The following ANKRD42 variants were observed in gnomAD, a reference collection of about 807,000 sequenced individuals.
ANKRD42 encodes ankyrin repeat domain 42, also known as ankyrin repeat domain-containing protein 42.
A neutral mutation model predicts 51.5 loss-of-function variants in ANKRD42; 43 were observed. That is an observed-to-expected ratio of 0.83 (90% CI 0.65 to 1.08). The LOEUF (loss-of-function observed/expected upper bound fraction) is 1.08. Ranked by LOEUF, ANKRD42 falls within the 50% of genes least tolerant of loss-of-function variation. ANKRD42 has a pLI of 0.00. For missense variants in ANKRD42, 608 were observed against 629.3 expected (o/e 0.97, Z 0.36); for synonymous variants, 203 against 213.0 (o/e 0.95, Z 0.41).
At chr11:83,202,021 CT>C (rs1461266675) in intron 2 of ANKRD42, among the ~76,000 whole-genome samples, 1 of 152,072 alleles carries the variant, frequency 6.6e-6, no homozygotes, top group East Asian at 1.9e-4. Flanking sequence ...TCAATGTTGG[CT>C]TTTGTTGCAA....
intron 7 of ANKRD42, among the ~76,000 whole-genome samples, chr11:83,233,990 A>AT (rs1203265936): frequency 2.0e-5 from 3 of 152,122 alleles, no homozygotes; most frequent in Non-Finnish European, 1.5e-5. Context: ...GCCTCATTAG[A>AT]TTTTTTATGT....
chr11:83,234,912 C>T (rs181080167), intron 7 of ANKRD42, among the ~76,000 whole-genome samples: 47 of 152,314 alleles, frequency 3.1e-4, no homozygotes, highest in African/African-American at 1.1e-3. Flanking sequence ...GACTTGCCAC[C>T]TGGGCTGTAG....
At chr11:83,245,204 A>G (rs1863507510) in intron 9 of ANKRD42, among the ~76,000 whole-genome samples, 1 of 152,216 alleles carries the variant, frequency 6.6e-6, no homozygotes, top group East Asian at 1.9e-4. Context: ...TGCCTGGTCA[A>G]TACTGCTAGT....
chr11:83,260,047 C>T (rs1332674897), downstream of ANKRD42: 3 of 152,276 alleles, frequency 2.0e-5, no homozygotes, highest in Admixed American at 2.0e-4. Context: ...CACCTTGTTT[C>T]TCCTTCCAGA....
At chr11:83,263,928 A>G (rs1864084051), downstream of ANKRD42, among the ~76,000 whole-genome samples, 1 of 152,202 alleles carries the variant, frequency 6.6e-6, no homozygotes, top group African/African-American at 2.4e-5. Flanking sequence ...CCTCAACATC[A>G]GTAGTGACTG....
At position 83,225,017 on chromosome 11, in the gene ANKRD42, G is replaced by A; in HGVS notation, c.749G>A (p.Gly250Glu). The change falls in exon 6 of 11, where the codon GGG becomes GAG. Residue 250 changes from glycine to glutamate, a missense_variant. Gly to Glu is a moderately conservative substitution (Grantham distance 98). Transcript: ENST00000533342. ...CAGAACATTTTACAGTTTATCCAGG[G>A]GGCTGAGTATGAAGGAAAAGACCTA... ...FKQNILQFIQGAEYEGKDLED... is the reference protein window; with the variant it reads ...FKQNILQFIQEAEYEGKDLED... The A allele has an allele frequency of 1.9e-6, 3 of 1,612,842 alleles. No homozygotes were observed. The highest frequency in any genetic ancestry group is 2.5e-6 in the Non-Finnish European group (3 of 1,179,274).
At chr11:83,214,198 A>G (rs974219997) in intron 5 of ANKRD42, 1 of 162,796 alleles carries the variant, frequency 6.1e-6, no homozygotes, top group African/African-American at 2.4e-5. Flanking sequence ...CAGAGGTTTT[A>G]ATTTTAACGT....
At chr11:83,210,624 G>T (rs796099781) in intron 4 of ANKRD42, among the ~76,000 whole-genome samples, 43 of 152,264 alleles carry the variant, frequency 2.8e-4, no homozygotes, top group African/African-American at 9.6e-4. Context: ...AACCAATTCA[G>T]TATTACAAAG....
At chr11:83,218,455 A>G (rs1050508051) in intron 5 of ANKRD42, among the ~76,000 whole-genome samples, 1 of 152,252 alleles carries the variant, frequency 6.6e-6, no homozygotes, top group Non-Finnish European at 1.5e-5. Context: ...CTGATCAAGG[A>G]GCAACATGAT....
chr11:83,211,456 A>G, intron 5 of ANKRD42, 26 bp downstream of exon 5: 2 of 1,609,364 alleles, frequency 1.2e-6, no homozygotes, highest in Non-Finnish European at 1.7e-6. Flanking sequence ...CAAATATTTT[A>G]GTTTTTCATT....
chr11:83,248,811 A>G lies in ANKRD42; in HGVS notation c.*607A>G. 2 of 978,590 alleles carry G rather than the reference A, an allele frequency of 2.0e-6. No individual in the cohort carries two copies. Among genetic ancestry groups the G allele is most frequent in the Non-Finnish European group, 2.4e-6 (2 of 823,692 alleles). The allele number at this position is 978,590 out of a possible 1,614,324, so 60.6% of individuals were successfully genotyped here. ...CCACTCTCCAGAGGAAGCTATTGTT[A>G]ACAATTTAGTACATACCATATTAGA... is the stretch of plus-strand genomic sequence containing the variant. On this transcript the variant is annotated 3_prime_UTR_variant, in exon 11 of 11. Coordinates refer to ENST00000533342, the MANE Select transcript of ANKRD42 (RefSeq NM_001300975.2).
At chr11:83,238,749 G>T (rs1863297177) in intron 8 of ANKRD42, among the ~76,000 whole-genome samples, 1 of 151,886 alleles carries the variant, frequency 6.6e-6, no homozygotes, top group Non-Finnish European at 1.5e-5. Context: ...AGAATTCCTT[G>T]AACCTGGGAG....
At chr11:83,261,943 T>C (rs1450717053), downstream of ANKRD42, 11 of 1,602,430 alleles carry the variant, frequency 6.9e-6, no homozygotes, top group South Asian at 2.2e-5. Flanking sequence ...CCCAATGCTA[T>C]TGCCAGGCAA....
chr11:83,204,310 A>G (rs1230849080), intron 2 of ANKRD42, among the ~76,000 whole-genome samples: 1 of 152,228 alleles, frequency 6.6e-6, no homozygotes, highest in East Asian at 1.9e-4. Context: ...TCATTAAATG[A>G]TGTTGGCACA....
chr11:83,218,041 A>T (rs1339994385), intron 5 of ANKRD42, among the ~76,000 whole-genome samples: 1 of 152,172 alleles, frequency 6.6e-6, no homozygotes, highest in Non-Finnish European at 1.5e-5. Flanking sequence ...AATGTCAGCC[A>T]CTGATTGGGT....
intron 3 of ANKRD42, among the ~76,000 whole-genome samples, chr11:83,208,113 T>C (rs1453703733): frequency 6.6e-6 from 1 of 152,084 alleles, no homozygotes; most frequent in Non-Finnish European, 1.5e-5. Context: ...AGCATCAACC[T>C]CCTGGGCCCA....
At chr11:83,256,116 C>T (rs993549231), downstream of ANKRD42, 7 of 429,774 alleles carry the variant, frequency 1.6e-5, no homozygotes, top group African/African-American at 1.2e-4. Flanking sequence ...CTCAGTTGTG[C>T]ACCTTCTCCC....
At chr11:83,210,225 T>C in intron 3 of ANKRD42, 75 bp from the exon 4 acceptor site, 3 of 1,455,662 alleles carry the variant, frequency 2.1e-6, no homozygotes, top group Non-Finnish European at 2.8e-6. Context: ...TTGCTTGCCT[T>C]TGTATAATCT....
Position 83,193,764 on chromosome 11 carries a change from C to G in ANKRD42, c.-907C>G, listed in dbSNP as rs546164946. 2.3e-6 allele frequency: 1 copy of G among 441,118 alleles called. No homozygotes were observed. The highest frequency in any genetic ancestry group is 2.0e-5 in the African/African-American group (1 of 48,904). The allele number at this position is 441,118 out of a possible 1,614,324, so 27.3% of individuals were successfully genotyped here. ...GCCTCTCCAGCCAAGTGGCTGGAGT[C>G]GGGAGGCTGGAAAGAGACTCCGAGA... On this transcript the variant is annotated 5_prime_UTR_variant, in exon 1 of 11. Coordinates refer to ENST00000533342, the MANE Select transcript of ANKRD42 (RefSeq NM_001300975.2).
Sources: gnomAD v4.1 joint callset for allele counts (sites outside exome capture counted in the v4.1 genomes callset) on GRCh38, gnomAD v4.1.1 for gene constraint, MANE v1.5 for transcripts, NCBI Gene and HGNC (gene_info 2026-07-23, HGNC 2026-07-21) for gene names.